Variants in GADL1 observed in about 807,000 individuals in gnomAD.
The protein encoded by GADL1 is GAD like acidic amino acid decarboxylase 1, also known as acidic amino acid decarboxylase GADL1.
In GADL1, 71 loss-of-function variants were observed where a neutral mutation model predicts 69.5. The ratio of observed to expected loss-of-function variants is 1.02; its 90% CI spans 0.84 to 1.25. The LOEUF is 1.25. Among genes scored for constraint, GADL1 ranks in the 50% most tolerant of loss-of-function variants. GADL1 has a pLI of 0.00. For synonymous variants in GADL1, 254 were observed against 214.4 expected, an observed-to-expected ratio of 1.18 and a Z score of -1.62; for missense variants, 737 against 631.8, an observed-to-expected ratio of 1.17 and a Z score of -1.79.
intron 6 of GADL1, among the ~76,000 whole-genome samples, chr3:30,845,205 T>A (rs1698034132): frequency 6.6e-6 from 1 of 152,196 alleles, no homozygotes; most frequent in African/African-American, 2.4e-5. Flanking sequence ...AATAGATGAA[T>A]ATGGAATTAA....
chr3:30,833,469 A>G (rs6793408), intron 11 of GADL1, among the ~76,000 whole-genome samples: 13,761 of 152,018 alleles, frequency 0.091, 1,619 homozygotes, highest in African/African-American at 0.27. Context: ...TTAATGTATG[A>G]CACACATCTG....
intron 14 of GADL1, among the ~76,000 whole-genome samples, chr3:30,761,208 CATT>C (rs948570240): frequency 6.6e-6 from 1 of 152,166 alleles, no homozygotes; most frequent in South Asian, 2.1e-4. Context: ...ATTTCTATCA[CATT>C]ATATATTGAG....
At chr3:30,752,029 G>A (rs1215506993) in intron 14 of GADL1, among the ~76,000 whole-genome samples, 5 of 152,152 alleles carry the variant, frequency 3.3e-5, no homozygotes, top group Non-Finnish European at 7.3e-5. Context: ...AAACCCAGTA[G>A]GCAGAATGCT....
At chr3:30,760,057 T>C (rs910731728) in intron 14 of GADL1, among the ~76,000 whole-genome samples, 4 of 152,228 alleles carry the variant, frequency 2.6e-5, no homozygotes, top group Admixed American at 6.5e-5. Flanking sequence ...GCTTATTGTC[T>C]CATATCACTA....
chr3:30,851,677 C>T (rs1171485995), intron 4 of GADL1, among the ~76,000 whole-genome samples: 3 of 152,054 alleles, frequency 2.0e-5, no homozygotes, highest in South Asian at 2.1e-4. Context: ...AAGGCCTAGC[C>T]GTCTGGGCCT....
chr3:30,823,144 C>G (rs935557306), intron 11 of GADL1, among the ~76,000 whole-genome samples: 2 of 151,900 alleles, frequency 1.3e-5, no homozygotes, highest in African/African-American at 4.8e-5. Flanking sequence ...ATATAAACTA[C>G]TGGGAGGTAC....
intron 1 of GADL1, among the ~76,000 whole-genome samples, chr3:30,883,691 G>T (rs1055621468): frequency 1.3e-5 from 2 of 151,902 alleles, no homozygotes; most frequent in African/African-American, 4.8e-5. Context: ...AATGCCATTT[G>T]GGTTTTGATA....
intron 14 of GADL1, among the ~76,000 whole-genome samples, chr3:30,742,925 A>G (rs1237421064): frequency 6.6e-6 from 1 of 151,982 alleles, no homozygotes; most frequent in Non-Finnish European, 1.5e-5. Flanking sequence ...ATTGCTACTT[A>G]AAGCATGCTT....
intron 1 of GADL1, among the ~76,000 whole-genome samples, chr3:30,881,151 ATAT>A (rs1434847708): frequency 6.6e-6 from 1 of 151,978 alleles, no homozygotes; most frequent in African/African-American, 2.4e-5. Flanking sequence ...GAGCAATAAA[ATAT>A]TATCAGCTTT....
At chr3:30,748,381 G>A (rs1040361544) in intron 14 of GADL1, among the ~76,000 whole-genome samples, 1 of 152,144 alleles carries the variant, frequency 6.6e-6, no homozygotes, top group Non-Finnish European at 1.5e-5. Flanking sequence ...ACCAGATTCA[G>A]CTAATGAGTC....
chr3:30,851,452 G>T (rs1698145987), intron 4 of GADL1, among the ~76,000 whole-genome samples: 1 of 152,184 alleles, frequency 6.6e-6, no homozygotes, highest in African/African-American at 2.4e-5. Context: ...TAAATGAGGA[G>T]TGTTTTGTGA....
rs367801486 is a variant in GADL1, at chr3:30,780,039, C to A, written c.1303-1771G>T. 2.0e-5 allele frequency among the ~76,000 whole-genome samples: 3 copies of A among 152,304 alleles called. No homozygotes were observed. The East Asian group carries it at 5.8e-4, about 29-fold the overall frequency. On this transcript the variant is annotated intron_variant, in intron 13 of 14. Coordinates refer to ENST00000282538, the MANE Select transcript of GADL1 (RefSeq NM_207359.3). ...TACCCCAGTAGCTTCCCCCAGTACA[C>A]CCCTTTCAGGTGGCATCACGTGGCA...
chr3:30,818,507 A>C (rs1156591679), intron 11 of GADL1, among the ~76,000 whole-genome samples: 1 of 152,142 alleles, frequency 6.6e-6, no homozygotes, highest in East Asian at 1.9e-4. Context: ...TCCTGAGAAT[A>C]ATTTCTGCCT....
chr3:30,755,288 T>A lies in GADL1; in HGVS notation c.1392+22891A>T, dbSNP rs185285761. Among the ~76,000 whole-genome samples the A allele has an allele frequency of 8.7e-4, 107 of 122,990 alleles. No individual in the cohort carries two copies. The Middle Eastern group carries it at 0.016, about 19-fold the overall frequency. The allele number at this position is 122,990 out of a possible 152,430, so 80.7% of individuals were successfully genotyped here. ...ACATGGTGAAACCATCAGCTTGATT[T>A]ATTAACCTGGATGCTTTTCTTATTA... On this transcript the variant is annotated intron_variant, in intron 14 of 14. Coordinates refer to ENST00000282538, the MANE Select transcript of GADL1 (RefSeq NM_207359.3).
intron 14 of GADL1, among the ~76,000 whole-genome samples, chr3:30,750,997 A>G (rs1008609689): frequency 6.6e-6 from 1 of 151,322 alleles, no homozygotes; most frequent in Non-Finnish European, 1.5e-5. Flanking sequence ...GTAAAGAACT[A>G]TTGAGACAGG....
At chr3:30,809,525 T>G (rs1239996540) in intron 11 of GADL1, among the ~76,000 whole-genome samples, 3 of 152,170 alleles carry the variant, frequency 2.0e-5, no homozygotes, top group Non-Finnish European at 1.5e-5. Context: ...TCTGAATCAT[T>G]TTTTGATATT....
intron 14 of GADL1, among the ~76,000 whole-genome samples, chr3:30,736,845 G>A (rs1695547902): frequency 6.6e-6 from 1 of 152,022 alleles, no homozygotes. Context: ...ATTTATTGTG[G>A]GCAGGGATGA....
chr3:30,813,467 T>G (rs1166500595), intron 11 of GADL1, among the ~76,000 whole-genome samples: 1 of 152,200 alleles, frequency 6.6e-6, no homozygotes. Context: ...AGAGCAAATC[T>G]TCACCAAGAG....
chr3:30,798,954 C>A (rs886719889), intron 12 of GADL1: 6 of 152,262 alleles, frequency 3.9e-5, no homozygotes, highest in Admixed American at 2.0e-4. Flanking sequence ...ATATCTGGGT[C>A]ACGCTGATGC....
Sources: allele counts gnomAD v4.1 joint callset (sites outside exome capture counted in the v4.1 genomes callset), GRCh38; gene constraint gnomAD v4.1.1; transcripts MANE v1.5; gene names NCBI Gene and HGNC (gene_info 2026-07-23, HGNC 2026-07-21).